FAF1: variants seen among roughly 807,000 people sequenced by gnomAD.
The protein encoded by FAF1 is Fas associated factor 1.
Under a neutral mutation model 92.5 loss-of-function variants are expected in FAF1, and 25 were observed. The observed-to-expected ratio is 0.27, with a 90% CI of 0.20 to 0.38. FAF1 has a LOEUF of 0.38. Among genes scored for constraint, FAF1 ranks in the 10% least tolerant of loss-of-function variants. The pLI is 1.00. For missense variants in FAF1, 636 were observed against 793.3 expected (o/e 0.80, Z 2.38); for synonymous variants, 234 against 273.2 (o/e 0.86, Z 1.42).
intron 1 of FAF1, among the ~76,000 whole-genome samples, chr1:50,918,226 T>C (rs1644935728): frequency 6.9e-6 from 1 of 144,916 alleles, no homozygotes; most frequent in Admixed American, 6.9e-5. Context: ...AGTTTTAGGG[T>C]ACATGTGCAC....
At chr1:50,942,752 T>G (rs932123006) in intron 1 of FAF1, among the ~76,000 whole-genome samples, 3 of 151,996 alleles carry the variant, frequency 2.0e-5, no homozygotes, top group Non-Finnish European at 4.4e-5. Context: ...TCGTTGTTTT[T>G]TTTTTTTTTA....
intron 4 of FAF1, among the ~76,000 whole-genome samples, chr1:50,772,201 A>G (rs1332850359): frequency 6.6e-6 from 1 of 152,158 alleles, no homozygotes; most frequent in East Asian, 1.9e-4. Flanking sequence ...TAAATAATAG[A>G]TGCTGGCAAG....
chr1:50,759,167 T>C (rs1038400970), intron 4 of FAF1, among the ~76,000 whole-genome samples: 1 of 152,102 alleles, frequency 6.6e-6, no homozygotes, highest in Non-Finnish European at 1.5e-5. Context: ...ATTATTATTA[T>C]ACTTTAAGTT....
chr1:50,639,933 CAAAAAAA>C (rs1197342810), intron 8 of FAF1, among the ~76,000 whole-genome samples: 1 of 70,162 alleles, frequency 1.4e-5, no homozygotes, highest in Non-Finnish European at 3.0e-5. Context: ...GACTCGATCT[CAAAAAAA>C]AAAAAAAAAA....
At chr1:50,849,839 A>T (rs749894827) in intron 2 of FAF1, among the ~76,000 whole-genome samples, 18 of 152,248 alleles carry the variant, frequency 1.2e-4, no homozygotes, top group Non-Finnish European at 2.2e-4. Context: ...TCATGGCTTT[A>T]TTAAAGGTAT....
At chr1:50,856,814 G>A (rs1446965250) in intron 2 of FAF1, among the ~76,000 whole-genome samples, 1 of 151,656 alleles carries the variant, frequency 6.6e-6, no homozygotes, top group African/African-American at 2.4e-5. Flanking sequence ...ATACCCAACA[G>A]CATAGGACTA....
At chr1:50,890,299 T>G (rs889700618) in intron 1 of FAF1, among the ~76,000 whole-genome samples, 1 of 152,198 alleles carries the variant, frequency 6.6e-6, no homozygotes, top group Non-Finnish European at 1.5e-5. Context: ...CACTGATGGA[T>G]CTTGACTCTT....
chr1:50,858,731 A>C (rs1422940365), intron 1 of FAF1, among the ~76,000 whole-genome samples: 1 of 151,880 alleles, frequency 6.6e-6, no homozygotes, highest in Non-Finnish European at 1.5e-5. Context: ...TACATATATG[A>C]AATTATATTT....
In FAF1 at chr1:50,500,387, A is replaced by G. The variant is rs1572788578; in HGVS notation, c.1495-8586T>C. Among the ~76,000 whole-genome samples, 3 of 152,190 alleles carry G rather than the reference A, an allele frequency of 2.0e-5. No homozygotes were observed. The East Asian group carries it at 5.8e-4, about 29-fold the overall frequency. On this transcript the variant is annotated intron_variant, in intron 15 of 18. Transcript: ENST00000396153. ...TATGATCAACACATACGTTTGACAAAGGTGCAGAGGCAATGTAGTGGAAAA... is the reference window on the plus strand; with the variant it reads ...TATGATCAACACATACGTTTGACAAGGGTGCAGAGGCAATGTAGTGGAAAA...
chr1:50,754,597 C>G (rs1053150135), intron 4 of FAF1, among the ~76,000 whole-genome samples: 1 of 152,152 alleles, frequency 6.6e-6, no homozygotes, highest in African/African-American at 2.4e-5. Flanking sequence ...GCTTTTACAA[C>G]TTTCTTTATC....
intron 1 of FAF1, among the ~76,000 whole-genome samples, chr1:50,871,172 G>A (rs1166037927): frequency 6.6e-6 from 1 of 152,222 alleles, no homozygotes; most frequent in African/African-American, 2.4e-5. Flanking sequence ...AGGACACGCA[G>A]AAGAAAAGTT....
At chr1:50,688,516 AAAT>A (rs1438343779) in intron 7 of FAF1, among the ~76,000 whole-genome samples, 1 of 152,160 alleles carries the variant, frequency 6.6e-6, no homozygotes, top group Non-Finnish European at 1.5e-5. Context: ...AGCCTTAAAA[AAAT>A]AATAAAATTC....
At chr1:50,748,491 CAAAA>C (rs11346307) in intron 4 of FAF1, among the ~76,000 whole-genome samples, 4 of 127,670 alleles carry the variant, frequency 3.1e-5, no homozygotes, top group Non-Finnish European at 5.0e-5. Context: ...AACTCTGTCT[CAAAA>C]AAAAAAAAAA....
chr1:50,799,837 G>A (rs893864190), intron 3 of FAF1, among the ~76,000 whole-genome samples: 8 of 152,006 alleles, frequency 5.3e-5, no homozygotes, highest in African/African-American at 1.4e-4. Flanking sequence ...TTCCAGCATC[G>A]TGCCTTCTAC....
intron 17 of FAF1, among the ~76,000 whole-genome samples, chr1:50,476,184 ATAG>A (rs930177015): frequency 7.2e-5 from 11 of 152,226 alleles, no homozygotes; most frequent in African/African-American, 2.4e-4. Flanking sequence ...CATTTTGGAA[ATAG>A]TGGTGGTGGT....
At chr1:50,564,030 C>A (rs1350710591) in intron 13 of FAF1, among the ~76,000 whole-genome samples, 1 of 152,184 alleles carries the variant, frequency 6.6e-6, no homozygotes, top group Non-Finnish European at 1.5e-5. Context: ...TACTCATATT[C>A]TGGTGACTTC....
intron 17 of FAF1, among the ~76,000 whole-genome samples, chr1:50,478,553 TTAAAAG>T (rs748535402): frequency 2.0e-5 from 3 of 152,324 alleles, no homozygotes; most frequent in East Asian, 3.9e-4. Flanking sequence ...AAAAAACAGA[TTAAAAG>T]TAAAACATTA....
At chr1:50,800,812 G>A (rs1023618098) in intron 3 of FAF1, among the ~76,000 whole-genome samples, 7 of 152,042 alleles carry the variant, frequency 4.6e-5, no homozygotes, top group Non-Finnish European at 8.8e-5. Context: ...CGCCTCATCC[G>A]CACTTACCAG....
Position 50,782,381 on chromosome 1 carries a change from C to T in FAF1, c.367+5619G>A, listed in dbSNP as rs531011000. ...GGTAGGCCTAGGTAATGTGTGTGTT[C>T]GTGTCTTAGTTTTTAACAGAAAAGT... is the stretch of plus-strand genomic sequence containing the variant. On this transcript the variant is annotated intron_variant, in intron 4 of 18. Transcript: ENST00000396153. Among the ~76,000 whole-genome samples the T allele has an allele frequency of 2.2e-3, 336 of 151,344 alleles. 1 individual carries two copies. Among genetic ancestry groups the T allele is most frequent in the African/African-American group, 7.9e-3 (325 of 41,234 alleles).
Sources: gnomAD v4.1 joint callset for allele counts (sites outside exome capture counted in the v4.1 genomes callset) on GRCh38, gnomAD v4.1.1 for gene constraint, MANE v1.5 for transcripts, NCBI Gene and HGNC (gene_info 2026-07-23, HGNC 2026-07-21) for gene names.